Variants in AGPAT4 observed in about 807,000 individuals in gnomAD.
AGPAT4 encodes 1-acyl-sn-glycerol-3-phosphate acyltransferase delta.
In AGPAT4, 15 loss-of-function variants were observed where a neutral mutation model predicts 48.0. The ratio of observed to expected loss-of-function variants is 0.31; its 90% CI spans 0.21 to 0.48. The LOEUF (loss-of-function observed/expected upper bound fraction) is 0.48. Among genes scored for constraint, AGPAT4 ranks in the 20% least tolerant of loss-of-function variants. AGPAT4 has a pLI of 0.99. For synonymous variants in AGPAT4, 178 were observed against 198.7 expected, an observed-to-expected ratio of 0.90 and a Z score of 0.88; for missense variants, 314 against 482.5, an observed-to-expected ratio of 0.65 and a Z score of 3.27.
Position 161,231,982 on chromosome 6 carries a change from T to C in AGPAT4, c.178+54A>G. The C allele has an allele frequency of 1.3e-6, 2 of 1,542,140 alleles. No individual in the cohort carries two copies. The highest frequency in any genetic ancestry group is 2.7e-5 in the African/African-American group (2 of 73,606). ...GTGAATCCATATCAAGAGCCATAAT[T>C]CTGATACACACATCCACAATGGAGA... On this transcript the variant is annotated intron_variant, in intron 2 of 8. Coordinates refer to ENST00000320285, the MANE Select transcript of AGPAT4 (RefSeq NM_020133.3). This position sits in a 1 kb window ranked among gnomAD's most constrained non-coding sequence, Gnocchi z 5.3.
chr6:161,153,664 G>T (rs1046360721), intron 4 of AGPAT4, among the ~76,000 whole-genome samples, 165 bp from the exon 5 acceptor site: 1 of 150,240 alleles, frequency 6.7e-6, no homozygotes, highest in Admixed American at 6.6e-5. Context: ...CAGCCCTGGG[G>T]TCACATACAG....
At chr6:161,268,088 C>T in intron 1 of AGPAT4, among the ~76,000 whole-genome samples, 1 of 152,170 alleles carries the variant, frequency 6.6e-6, no homozygotes, top group East Asian at 1.9e-4. Context: ...TAATCTCCCT[C>T]ATCTTTACTT....
In AGPAT4 at chr6:161,223,726, G is replaced by T. The variant is rs1037260636; in HGVS notation, c.178+8310C>A. Among the ~76,000 whole-genome samples, 5 of 152,148 alleles carry T rather than the reference G, an allele frequency of 3.3e-5. No individual in the cohort carries two copies. Among genetic ancestry groups the T allele is most frequent in the African/African-American group, 1.2e-4 (5 of 41,436 alleles). Reference sequence around the variant, plus strand: ...TACTACACTGACCAGTTGGACACATGGCCTCACCTCCAGAGCTTGGCTCCT... The same window carrying T: ...TACTACACTGACCAGTTGGACACATTGCCTCACCTCCAGAGCTTGGCTCCT... On this transcript the variant is annotated intron_variant, in intron 2 of 8. Transcript: ENST00000320285. The surrounding 1 kb of genome is among the most constrained non-coding windows in gnomAD (Gnocchi z 6.3).
Position 161,169,790 on chromosome 6 carries a change from T to C in AGPAT4, c.179-3373A>G, listed in dbSNP as rs1242418034. 2.6e-5 allele frequency among the ~76,000 whole-genome samples: 4 copies of C among 152,248 alleles called. No individual in the cohort carries two copies. Among genetic ancestry groups the C allele is most frequent in the African/African-American group, 4.8e-5 (2 of 41,460 alleles). ...CAGGATGTGTTACGCTGGCCTGGACTACATTTCCCAAACTTCCCTTTCTTG... is the reference window on the plus strand; with the variant it reads ...CAGGATGTGTTACGCTGGCCTGGACCACATTTCCCAAACTTCCCTTTCTTG... On this transcript the variant is annotated intron_variant, in intron 2 of 8. Transcript: ENST00000320285. This position sits in a 1 kb window ranked among gnomAD's most constrained non-coding sequence, Gnocchi z 5.0.
At position 161,233,705 on chromosome 6, in the gene AGPAT4, G is replaced by A. The variant is rs764578970; in HGVS notation, c.-89-1403C>T. ...AACTGTAGGCTAACGTAAATGTGCT[G>A]AACATGTTTAAGGCAGGCGAGGCTA... On this transcript the variant is annotated intron_variant, in intron 1 of 8. Coordinates refer to ENST00000320285, the MANE Select transcript of AGPAT4 (RefSeq NM_020133.3). This position sits in a 1 kb window ranked among gnomAD's most constrained non-coding sequence, Gnocchi z 5.4. 2.0e-5 allele frequency among the ~76,000 whole-genome samples: 3 copies of A among 152,240 alleles called. No individual in the cohort carries two copies. The South Asian group carries it at 6.2e-4, about 31-fold the overall frequency.
rs963039317 is a variant in AGPAT4, at chr6:161,214,889, G to A, written c.178+17147C>T. 6.6e-6 allele frequency among the ~76,000 whole-genome samples: 1 copy of A among 152,088 alleles called. No homozygotes were observed. Among genetic ancestry groups the A allele is most frequent in the African/African-American group, 2.4e-5 (1 of 41,418 alleles). ...CTACTGCCTGAAAAGTCATTATGGG[G>A]CACGTGACTATATTTCAAAACTATC... is the stretch of plus-strand genomic sequence containing the variant. On this transcript the variant is annotated intron_variant, in intron 2 of 8. Coordinates refer to ENST00000320285, the MANE Select transcript of AGPAT4 (RefSeq NM_020133.3). This position sits in a 1 kb window ranked among gnomAD's most constrained non-coding sequence, Gnocchi z 5.4.
At chr6:161,256,915 TC>T (rs1191555102) in intron 1 of AGPAT4, among the ~76,000 whole-genome samples, 1 of 152,230 alleles carries the variant, frequency 6.6e-6, no homozygotes, top group African/African-American at 2.4e-5. Context: ...TGGGAGAGTT[TC>T]CACTTTCCCA....
At position 161,198,032 on chromosome 6, in the gene AGPAT4, T is replaced by G. The variant is rs1037718442; in HGVS notation, c.179-31615A>C. 6.6e-6 allele frequency among the ~76,000 whole-genome samples: 1 copy of G among 152,220 alleles called. No individual in the cohort carries two copies. On this transcript the variant is annotated intron_variant, in intron 2 of 8. Coordinates refer to ENST00000320285, the MANE Select transcript of AGPAT4 (RefSeq NM_020133.3). The surrounding 1 kb of genome is among the most constrained non-coding windows in gnomAD (Gnocchi z 4.3). ...TTTCCCCCAACTCTTCTTCAGTCTC[T>G]CATACTTCATTCTTCCCACTCTTCT...
Position 161,149,209 on chromosome 6 carries a change from A to G in AGPAT4, c.745T>C (p.Tyr249His). 1.2e-6 allele frequency: 2 copies of G among 1,613,746 alleles called. No homozygotes were observed. The highest frequency in any genetic ancestry group is 1.7e-6 in the Non-Finnish European group (2 of 1,179,982). The part of the protein sequence containing the change: ...TLLGVLNGKK[Y>H]HADLYVRRIP... ...TACCTAACATACAAATCTGCATGGT[A>G]TTTCTTTCCGTTTAGGACTCCCAGC... The change falls in exon 6 of 9, where the codon TAC (tyrosine) becomes CAC (histidine). Residue 249 changes from tyrosine to histidine, a missense_variant. Coordinates refer to ENST00000320285, the MANE Select transcript of AGPAT4 (RefSeq NM_020133.3). The surrounding 1 kb of genome is among the most constrained non-coding windows in gnomAD (Gnocchi z 6.5).
In AGPAT4 at chr6:161,185,417, A is replaced by C. The variant is rs1246489109; in HGVS notation, c.179-19000T>G. Among the ~76,000 whole-genome samples, 3 of 151,828 alleles carry C rather than the reference A, an allele frequency of 2.0e-5. No homozygotes were observed. The East Asian group carries it at 5.8e-4, about 29-fold the overall frequency. On this transcript the variant is annotated intron_variant, in intron 2 of 8. Transcript: ENST00000320285. ...GTGATTCTCCTGCCTGAGCCTCCCAAGTAGCTGGGGCTACAGGCCTGAGCC... is the reference window on the plus strand; with the variant it reads ...GTGATTCTCCTGCCTGAGCCTCCCACGTAGCTGGGGCTACAGGCCTGAGCC...
At position 161,235,167 on chromosome 6, in the gene AGPAT4, G is replaced by C. The variant is rs1005905987; in HGVS notation, c.-89-2865C>G. Among the ~76,000 whole-genome samples, 1 of 152,072 alleles carries C rather than the reference G, an allele frequency of 6.6e-6. No homozygotes were observed. The highest frequency in any genetic ancestry group is 1.5e-5 in the Non-Finnish European group (1 of 68,012). ...CTCTGCCCTGTCTCTTATTAGTTGT[G>C]TATTGGTACCCTATTTTGGGCACAT... On this transcript the variant is annotated intron_variant, in intron 1 of 8. Coordinates refer to ENST00000320285, the MANE Select transcript of AGPAT4 (RefSeq NM_020133.3). The surrounding 1 kb of genome is among the most constrained non-coding windows in gnomAD (Gnocchi z 6.2).
In AGPAT4 at chr6:161,264,598, C is replaced by A. The variant is rs1157595531; in HGVS notation, c.-90+9340G>T. ...GCAAGTCTTATCCACTGCGTGGGAA[C>A]CCCTCGCTGAGGCTTCCGTCTTGCC... On this transcript the variant is annotated intron_variant, in intron 1 of 8. Coordinates refer to ENST00000320285, the MANE Select transcript of AGPAT4 (RefSeq NM_020133.3). This position sits in a 1 kb window ranked among gnomAD's most constrained non-coding sequence, Gnocchi z 6.8. Among the ~76,000 whole-genome samples, 2 of 152,218 alleles carry A rather than the reference C, an allele frequency of 1.3e-5. No individual in the cohort carries two copies. The highest frequency in any genetic ancestry group is 1.3e-4 in the Admixed American group (2 of 15,284).
chr6:161,141,723 A>G lies in AGPAT4; in HGVS notation c.844-2103T>C, dbSNP rs948394217. Among the ~76,000 whole-genome samples, 3 of 152,202 alleles carry G rather than the reference A, an allele frequency of 2.0e-5. No individual in the cohort carries two copies. The highest frequency in any genetic ancestry group is 7.2e-5 in the African/African-American group (3 of 41,456). ...AGTGCTTTTTTACAGTAATATCACA[A>G]AGGGGAACTCACCATGGTGCCTTTT... is the stretch of plus-strand genomic sequence containing the variant. On this transcript the variant is annotated intron_variant, in intron 7 of 8. Transcript: ENST00000320285. The surrounding 1 kb of genome is among the most constrained non-coding windows in gnomAD (Gnocchi z 6.7).
In AGPAT4 at chr6:161,147,125, G is replaced by C. The variant is rs144920601; in HGVS notation, c.768-526C>G. Among the ~76,000 whole-genome samples the C allele has an allele frequency of 5.9e-5, 9 of 152,312 alleles. No individual in the cohort carries two copies. The highest frequency in any genetic ancestry group is 1.3e-4 in the Non-Finnish European group (9 of 68,030). ...AGACTTTCTGCAAAGGTTTTGACAAGTCAGTGATGTGGATGGTGGGGAATT... is the reference window on the plus strand; with the variant it reads ...AGACTTTCTGCAAAGGTTTTGACAACTCAGTGATGTGGATGGTGGGGAATT... On this transcript the variant is annotated intron_variant, in intron 6 of 8. Coordinates refer to ENST00000320285, the MANE Select transcript of AGPAT4 (RefSeq NM_020133.3). The surrounding 1 kb of genome is among the most constrained non-coding windows in gnomAD (Gnocchi z 4.8).
At position 161,223,891 on chromosome 6, in the gene AGPAT4, AGTTC is replaced by A. The variant is rs544961618; in HGVS notation, c.178+8141_178+8144del. The stretch of plus-strand genomic sequence containing the variant: ...CTCTCTGTGCCTAACTACTCAAAAC[AGTTC>A]CTGGAACAGTAAGTGCTCAGTAAAT... On this transcript the variant is annotated intron_variant, in intron 2 of 8. Transcript: ENST00000320285. The surrounding 1 kb of genome is among the most constrained non-coding windows in gnomAD (Gnocchi z 6.3). Among the ~76,000 whole-genome samples, 49 of 152,364 alleles carry A rather than the reference AGTTC, an allele frequency of 3.2e-4. 1 individual carries two copies. The South Asian group carries it at 9.5e-3, about 30-fold the overall frequency.
intron 2 of AGPAT4, among the ~76,000 whole-genome samples, chr6:161,179,475 G>A (rs1244127772): frequency 6.6e-6 from 1 of 152,176 alleles, no homozygotes; most frequent in Non-Finnish European, 1.5e-5. Flanking sequence ...CCAACTCAAA[G>A]GTTTGGTGTG....
At chr6:161,136,705 G>T in intron 8 of AGPAT4, 71 bp from the exon 9 acceptor site, 2 of 1,374,418 alleles carry the variant, frequency 1.5e-6, no homozygotes, top group Non-Finnish European at 2.1e-6. Flanking sequence ...CACAGAGCAA[G>T]TGAGAAGGCC....
intron 2 of AGPAT4, among the ~76,000 whole-genome samples, chr6:161,167,304 C>A (rs935451451): frequency 9.9e-5 from 15 of 152,148 alleles, no homozygotes; most frequent in Non-Finnish European, 2.1e-4. Flanking sequence ...CGGCTCACTG[C>A]AGCCTCAACC....
chr6:161,175,263 G>A (rs1411398253), intron 2 of AGPAT4, among the ~76,000 whole-genome samples: 9 of 152,174 alleles, frequency 5.9e-5, no homozygotes, highest in Admixed American at 3.9e-4. Context: ...ATTCGGCTGT[G>A]AATCCATCTG....
Sources: gnomAD v4.1 joint callset for allele counts (sites outside exome capture counted in the v4.1 genomes callset) on GRCh38, gnomAD v4.1.1 for gene constraint, Gnocchi (gnomAD v3.1) non-coding constraint, MANE v1.5 for transcripts, NCBI Gene and HGNC (gene_info 2026-07-23, HGNC 2026-07-21) for gene names.